The following ACSM1 variants were observed in gnomAD, a reference collection of about 807,000 sequenced individuals.
The protein encoded by ACSM1 is acyl-coenzyme A synthetase ACSM1, mitochondrial.
ACSM1 carries 79 observed loss-of-function variants against 75.8 expected under a neutral mutation model. The observed-to-expected ratio is 1.04, with a 90% CI of 0.87 to 1.26. The LOEUF (loss-of-function observed/expected upper bound fraction) is 1.26, where lower values mean the gene tolerates loss of function less well. ACSM1 is among the 50% of genes most tolerant of loss of function. The pLI is 0.00. For missense variants in ACSM1, 676 were observed against 720.1 expected (o/e 0.94, Z 0.70); for synonymous variants, 279 against 265.8 (o/e 1.05, Z -0.48).
intron 7 of ACSM1, among the ~76,000 whole-genome samples, chr16:20,661,009 T>C (rs1292724860): frequency 6.6e-6 from 1 of 152,162 alleles, no homozygotes; most frequent in Non-Finnish European, 1.5e-5. Flanking sequence ...GTTTGGAAGA[T>C]AGTATGGTAT....
chr16:20,623,554 G>A lies in ACSM1; in HGVS notation c.1666C>T (p.Leu556=), dbSNP rs1218345051. The A allele has an allele frequency of 1.2e-6, 2 of 1,614,078 alleles. No homozygotes were observed. Among genetic ancestry groups the A allele is most frequent in the African/African-American group, 1.3e-5 (1 of 75,040 alleles). Residue 556 remains leucine, a synonymous_variant, in exon 14 of 14, where the codon CTG becomes TTG. Transcript: ENST00000520010. The part of the protein sequence containing the change: ...YPRKVEFVSE[L]PKTITGKIER... Reference sequence around the variant, plus strand: ...ATCTTGCCAGTGATGGTTTTTGGCAGCTCTGAGACAAACTCCACCTGGTTG... The same window carrying A: ...ATCTTGCCAGTGATGGTTTTTGGCAACTCTGAGACAAACTCCACCTGGTTG...
At chr16:20,627,951 G>C (rs75249433) in intron 10 of ACSM1, among the ~76,000 whole-genome samples, 3,083 of 133,530 alleles carry the variant, frequency 0.023, 136 homozygotes, top group African/African-American at 0.084. Flanking sequence ...ACACTAGAAT[G>C]AAATTTCCAT....
intron 8 of ACSM1, among the ~76,000 whole-genome samples, chr16:20,638,194 C>T (rs976098537): frequency 3.6e-4 from 55 of 152,248 alleles, no homozygotes; most frequent in African/African-American, 1.2e-3. Flanking sequence ...CCAATGAATC[C>T]CTCTTGATCT....
At chr16:20,639,775 C>T (rs954393263) in intron 8 of ACSM1, among the ~76,000 whole-genome samples, 1 of 152,134 alleles carries the variant, frequency 6.6e-6, no homozygotes, top group Non-Finnish European at 1.5e-5. Flanking sequence ...TGGGCTCAAT[C>T]GCTGAGCACA....
At chr16:20,659,690 C>T (rs1342548503) in intron 7 of ACSM1, among the ~76,000 whole-genome samples, 1 of 152,174 alleles carries the variant, frequency 6.6e-6, no homozygotes, top group African/African-American at 2.4e-5. Flanking sequence ...CATTTTCCTT[C>T]CTTCCTTTCC....
intron 2 of ACSM1, among the ~76,000 whole-genome samples, chr16:20,689,891 A>G (rs536566468): frequency 6.7e-4 from 102 of 152,270 alleles, no homozygotes; most frequent in African/African-American, 2.4e-3. Context: ...CCTGGACCCA[A>G]ACCCTGCTCT....
chr16:20,685,522 A>G, intron 2 of ACSM1, 119 bp from the exon 3 acceptor site: 1 of 925,538 alleles, frequency 1.1e-6, no homozygotes, highest in South Asian at 1.5e-5. Context: ...CTGAGATCCC[A>G]TTTTAAAACA....
Position 20,685,389 on chromosome 16 carries a change from A to C in ACSM1, c.207T>G (p.Gly69=). Reference sequence around the variant, plus strand: ...TCACCCACCAAAAAGCTGGATTTGGACCTCTCTTGCCCTCCTGGTCAAGAC... The same window carrying C: ...TCACCCACCAAAAAGCTGGATTTGGCCCTCTCTTGCCCTCCTGGTCAAGAC... The part of the protein sequence containing the change: ...WAQKEKEGKR[G]PNPAFWWVNG... The change falls in exon 3 of 14, where the codon GGT becomes GGG. Residue 69 remains glycine (G), a synonymous_variant. Coordinates refer to ENST00000520010, the MANE Select transcript of ACSM1 (RefSeq NM_001318890.3). 3 of 1,613,988 alleles carry C rather than the reference A, an allele frequency of 1.9e-6. No individual in the cohort carries two copies. In the South Asian group the frequency reaches 3.3e-5, roughly 18 times the overall value.
chr16:20,637,028 G>T, intron 9 of ACSM1, 188 bp from the exon 10 acceptor site: 1 of 710,074 alleles, frequency 1.4e-6, no homozygotes, highest in Non-Finnish European at 2.5e-6. Context: ...AAGGGTCTAT[G>T]TTTCATGAGT....
intron 7 of ACSM1, among the ~76,000 whole-genome samples, chr16:20,643,050 CTTG>C (rs1567262858): frequency 6.6e-6 from 1 of 152,224 alleles, no homozygotes; most frequent in Non-Finnish European, 1.5e-5. Context: ...GGTCAACCAA[CTTG>C]TTGTCAAACC....
intron 7 of ACSM1, among the ~76,000 whole-genome samples, chr16:20,642,266 T>C (rs143309157): frequency 9.5e-4 from 145 of 152,116 alleles, no homozygotes; most frequent in African/African-American, 3.4e-3. Flanking sequence ...AGATTTTGAA[T>C]GTGAGGAACA....
At chr16:20,686,487 G>C (rs2079556475) in intron 2 of ACSM1, among the ~76,000 whole-genome samples, 1 of 152,114 alleles carries the variant, frequency 6.6e-6, no homozygotes, top group African/African-American at 2.4e-5. Context: ...AGGGGCCATG[G>C]GAGGGAGAGC....
At chr16:20,683,762 G>T (rs113050413) in intron 3 of ACSM1, among the ~76,000 whole-genome samples, 11 of 139,012 alleles carry the variant, frequency 7.9e-5, no homozygotes, top group Non-Finnish European at 1.7e-4. Flanking sequence ...TAGAGATGGG[G>T]TTTCACCATG....
chr16:20,652,205 T>G (rs928743566), intron 7 of ACSM1, among the ~76,000 whole-genome samples: 1 of 152,136 alleles, frequency 6.6e-6, no homozygotes. Context: ...ATCAGGTACA[T>G]GTAATGGAAT....
rs376647841 is a variant in ACSM1 at position 20,691,108 on chromosome 16, C to T, written c.81G>A (p.Leu27=). The change falls in exon 2 of 14, where the codon CTG becomes CTA. Residue 27 remains leucine (L), a synonymous_variant. Coordinates refer to ENST00000520010, the MANE Select transcript of ACSM1 (RefSeq NM_001318890.3). ...CAAATTCTGATAAAGACCGGCAGCG[C>T]AGCTGTGAAGGGGCAGGGTGGATGT... is the stretch of plus-strand genomic sequence containing the variant. ...FHNIHPAPSQ[L]RCRSLSEFGA... is the part of the protein sequence containing the mutation. 6.2e-7 allele frequency: 1 copy of T among 1,613,622 alleles called. No homozygotes were observed. The highest frequency in any genetic ancestry group is 1.3e-5 in the African/African-American group (1 of 74,918).
At chr16:20,665,433 C>G (rs1190241957) in intron 6 of ACSM1, among the ~76,000 whole-genome samples, 2 of 152,138 alleles carry the variant, frequency 1.3e-5, no homozygotes, top group Non-Finnish European at 2.9e-5. Context: ...CACAGCCTCT[C>G]AACATTGAAC....
Position 20,625,510 on chromosome 16 carries a change from C to T in ACSM1, c.1440G>A (p.Gly480=), listed in dbSNP as rs766977823. Residue 480 remains glycine (G), a synonymous_variant, in exon 12 of 14, where the codon GGG becomes GGA. Coordinates refer to ENST00000520010, the MANE Select transcript of ACSM1 (RefSeq NM_001318890.3). The part of the protein sequence containing the change: ...DIINASGYRI[G]PAEVESALVE... ...CCAAAGCGCTTTCAACCTCTGCAGG[C>T]CCGATGCGATACCTGGAGGATGAAG... The T allele has an allele frequency of 1.2e-6, 2 of 1,613,896 alleles. No homozygotes were observed. The highest frequency in any genetic ancestry group is 2.2e-5 in the East Asian group (1 of 44,866).
Position 20,623,318 on chromosome 16 carries a change from A to G in ACSM1, c.*168T>C. ...GATACAGAGGACTTGGAGGAAGCAGAGCAACTGAATTTAATTTAAAAGAAG... is the reference window on the plus strand; with the variant it reads ...GATACAGAGGACTTGGAGGAAGCAGGGCAACTGAATTTAATTTAAAAGAAG... On this transcript the variant is annotated 3_prime_UTR_variant, in exon 14 of 14. Coordinates refer to ENST00000520010, the MANE Select transcript of ACSM1 (RefSeq NM_001318890.3). The G allele has an allele frequency of 1.6e-6, 1 of 610,400 alleles. No homozygotes were observed. Among genetic ancestry groups the G allele is most frequent in the Non-Finnish European group, 2.9e-6 (1 of 346,722 alleles). The allele number at this position is 610,400 out of a possible 1,614,324, so 37.8% of individuals were successfully genotyped here. A position where few individuals can be genotyped will look rare whatever the true frequency, so the allele number is the denominator to read the frequency against.
intron 11 of ACSM1, 118 bp from the exon 12 acceptor site, chr16:20,625,640 G>A: frequency 1.2e-6 from 1 of 861,942 alleles, no homozygotes; most frequent in Non-Finnish European, 1.8e-6. Context: ...TAGGAAGCCA[G>A]GGACCCCTGA....
Sources: allele counts gnomAD v4.1 joint callset (sites outside exome capture counted in the v4.1 genomes callset), GRCh38; gene constraint gnomAD v4.1.1; transcripts MANE v1.5; gene names NCBI Gene and HGNC (gene_info 2026-07-23, HGNC 2026-07-21).